Variants in BAIAP3 observed in about 807,000 individuals in gnomAD.
BAIAP3 encodes the protein BAI1-associated protein 3.
Under a neutral mutation model 149.7 loss-of-function variants are expected in BAIAP3, and 180 were observed. That is an observed-to-expected ratio of 1.20 (90% CI 1.07 to 1.36). The LOEUF is 1.36. Among genes scored for constraint, BAIAP3 ranks in the 40% most tolerant of loss-of-function variants. The pLI is 0.00. For synonymous variants in BAIAP3, 845 were observed against 670.7 expected (o/e 1.26, Z -4.02); for missense variants, 1,767 against 1,563.4 (o/e 1.13, Z -2.20).
At chr16:1,338,453 G>GGCC in intron 1 of BAIAP3, 87 bp from the exon 2 acceptor site, 4 of 177,274 alleles carry the variant, frequency 2.3e-5, no homozygotes, top group South Asian at 5.7e-5. Context: ...ACCTCTTCCC[G>GGCC]CCCCACCCCC....
intron 29 of BAIAP3, 83 bp from the exon 30 acceptor site, chr16:1,347,462 G>A: frequency 6.3e-7 from 1 of 1,579,924 alleles, no homozygotes; most frequent in Non-Finnish European, 8.6e-7. Flanking sequence ...AGCATGAGGT[G>A]GCCCCACGGG....
chr16:1,334,535 C>A, intron 1 of BAIAP3: 1 of 812,178 alleles, frequency 1.2e-6, no homozygotes, highest in Non-Finnish European at 2.0e-6. Context: ...GAAGGCGCCT[C>A]GGGCTCCGGT....
At chr16:1,339,140 C>T (rs754475936) in intron 3 of BAIAP3, 24 bp from the exon 4 acceptor site, 7 of 1,568,448 alleles carry the variant, frequency 4.5e-6, no homozygotes, top group South Asian at 1.2e-5. Context: ...CCGTCAGAGC[C>T]CTCACCCTGG....
intron 1 of BAIAP3, 53 bp downstream of exon 1, chr16:1,333,802 C>T (rs1222671583): frequency 2.0e-5 from 3 of 152,036 alleles, no homozygotes; most frequent in African/African-American, 7.2e-5. Context: ...TGGGCTCGGC[C>T]CCGCGCCCCA....
At chr16:1,347,013 C>A in intron 28 of BAIAP3, 58 bp downstream of exon 28, 1 of 1,475,626 alleles carries the variant, frequency 6.8e-7, no homozygotes, top group Non-Finnish European at 9.2e-7. Context: ...TGCTCTGATC[C>A]CTCCCTTTGT....
chr16:1,333,955 C>A (rs952009493), intron 1 of BAIAP3, among the ~76,000 whole-genome samples: 3 of 152,140 alleles, frequency 2.0e-5, no homozygotes, highest in South Asian at 2.1e-4. Context: ...CTTGGAGGGG[C>A]GGGGTCTCGG....
rs138350578 is a variant in BAIAP3, at chr16:1,348,192, G to A, written c.3246G>A (p.Glu1082=). 9.9e-6 allele frequency: 16 copies of A among 1,609,050 alleles called. No individual in the cohort carries two copies. The African/African-American group carries it at 1.7e-4, about 17-fold the overall frequency. Residue 1082 remains glutamate, a synonymous_variant, in exon 33 of 34, where the codon GAG becomes GAA. Coordinates refer to ENST00000426824, the MANE Select transcript of BAIAP3 (RefSeq NM_001199097.2). ...DWLSTNDFAG[E]AALGLGGVTG... ...TGTCCACCAACGACTTCGCTGGGGA[G>A]GCGGCCCTCGGCCTAGGTGGCGTCA... is the stretch of plus-strand genomic sequence containing the variant.
chr16:1,346,887 C>T lies in BAIAP3; in HGVS notation c.2683C>T (p.Leu895=). 1.9e-6 allele frequency: 3 copies of T among 1,609,988 alleles called. No individual in the cohort carries two copies. Among genetic ancestry groups the T allele is most frequent in the South Asian group, 1.1e-5 (1 of 90,726 alleles). Residue 895 remains leucine (L), a synonymous_variant, in exon 28 of 34, where the codon CTG becomes TTG. Coordinates refer to ENST00000426824, the MANE Select transcript of BAIAP3 (RefSeq NM_001199097.2). ...ALWELLLQAI[L]QALGANRDVS... ...GTGGGAGCTACTCCTCCAGGCCATT[C>T]TGCAGGCGCTGGGTGCAAACCGTGA...
Position 1,347,845 on chromosome 16 carries a change from G to A in BAIAP3, c.3025+24G>A, listed in dbSNP as rs373376950. 3.4e-5 allele frequency: 55 copies of A among 1,604,836 alleles called. No homozygotes were observed. The African/African-American group carries it at 5.3e-4, about 16-fold the overall frequency. On this transcript the variant is annotated intron_variant, in intron 31 of 33. Coordinates refer to ENST00000426824, the MANE Select transcript of BAIAP3 (RefSeq NM_001199097.2). Reference sequence around the variant, plus strand: ...CGGTGAGTTGCAGCGGGGACGGGTCGGGTGGTGGTGGGATGGGGGCAGGGG... The same window carrying A: ...CGGTGAGTTGCAGCGGGGACGGGTCAGGTGGTGGTGGGATGGGGGCAGGGG...
At chr16:1,348,323 G>A in intron 33 of BAIAP3, 22 bp downstream of exon 33, 1 of 1,603,134 alleles carries the variant, frequency 6.2e-7, no homozygotes, top group South Asian at 1.1e-5. Flanking sequence ...TCTGGGTGGA[G>A]GCAGGGGCAG....
intron 1 of BAIAP3, among the ~76,000 whole-genome samples, chr16:1,336,840 G>A (rs1018240546): frequency 5.3e-5 from 8 of 152,216 alleles, no homozygotes; most frequent in African/African-American, 1.9e-4. Context: ...GCGAGGGCCA[G>A]TGTGCCCAGC....
chr16:1,342,115 T>C (rs780845576), intron 10 of BAIAP3, 52 bp downstream of exon 10: 18 of 1,568,790 alleles, frequency 1.1e-5, no homozygotes, highest in Non-Finnish European at 1.5e-5. Flanking sequence ...AGCTTGGTCA[T>C]GGGGCCCGGC....
chr16:1,349,280 G>C lies in BAIAP3; in HGVS notation c.*798G>C. On this transcript the variant is annotated 3_prime_UTR_variant, in exon 34 of 34. Coordinates refer to ENST00000426824, the MANE Select transcript of BAIAP3 (RefSeq NM_001199097.2). ...TTCATTTGCGAGAGCGCCGAGGCAG[G>C]ACACAGAGCACAGCTGTGCTGGAAG... is the stretch of plus-strand genomic sequence containing the variant. The C allele has an allele frequency of 1.2e-6, 1 of 820,750 alleles. No individual in the cohort carries two copies. Among genetic ancestry groups the C allele is most frequent in the South Asian group, 1.5e-5 (1 of 64,784 alleles). The allele number at this position is 820,750 out of a possible 1,614,324, so 50.8% of individuals were successfully genotyped here.
At position 1,346,450 on chromosome 16, in the gene BAIAP3, C is replaced by A; in HGVS notation, c.2502C>A (p.Gly834=). 1.2e-6 allele frequency: 2 copies of A among 1,612,176 alleles called. No individual in the cohort carries two copies. The highest frequency in any genetic ancestry group is 1.7e-6 in the Non-Finnish European group (2 of 1,179,646). ...VTAHLTSKMV[G]DIRKYVQHIS... is the part of the protein sequence containing the mutation. ...ACTGCTCCTGCCCTCAGATGGTGGG[C>A]GACATCCGCAAGTATGTACAGCACA... The change falls in exon 26 of 34, where the codon GGC becomes GGA. Residue 834 remains glycine, a synonymous_variant. Coordinates refer to ENST00000426824, the MANE Select transcript of BAIAP3 (RefSeq NM_001199097.2).
chr16:1,343,189 A>G lies in BAIAP3; in HGVS notation c.1265+173A>G, dbSNP rs903888623. 46 of 1,057,934 alleles carry G rather than the reference A, an allele frequency of 4.3e-5. 1 individual carries two copies. Among genetic ancestry groups the G allele is most frequent in the Non-Finnish European group, 5.6e-5 (41 of 736,806 alleles). 65.5% of individuals were successfully genotyped at this position (1,057,934 alleles called of 1,614,324 possible). A position where few individuals can be genotyped will look rare whatever the true frequency, so the allele number is the denominator to read the frequency against. On this transcript the variant is annotated intron_variant, in intron 14 of 33. Coordinates refer to ENST00000426824, the MANE Select transcript of BAIAP3 (RefSeq NM_001199097.2). ...GGCGGGAAGGGAAGGGGGCGGTGCTACGGGTAGGTGAGGCAGCGAAAGGGG... is the reference window on the plus strand; with the variant it reads ...GGCGGGAAGGGAAGGGGGCGGTGCTGCGGGTAGGTGAGGCAGCGAAAGGGG...
chr16:1,347,127 CT>C, intron 28 of BAIAP3, 170 bp from the exon 29 acceptor site: 1 of 889,068 alleles, frequency 1.1e-6, no homozygotes, highest in Non-Finnish European at 1.7e-6. Flanking sequence ...TGGTGATGGC[CT>C]TTCCCCACGC....
chr16:1,341,518 A>AG, intron 8 of BAIAP3, 29 bp downstream of exon 8: 5 of 1,589,954 alleles, frequency 3.1e-6, no homozygotes, highest in South Asian at 2.3e-5. Flanking sequence ...TGGGTGCGGG[A>AG]GGGGGGCTCT....
chr16:1,343,193 G>T (rs2141594296), intron 14 of BAIAP3, 177 bp downstream of exon 14: 3 of 1,069,606 alleles, frequency 2.8e-6, no homozygotes, highest in Non-Finnish European at 4.0e-6. Flanking sequence ...GGTGCTACGG[G>T]TAGGTGAGGC....
intron 5 of BAIAP3, among the ~76,000 whole-genome samples, chr16:1,340,703 G>A (rs554854153): frequency 2.0e-5 from 3 of 152,350 alleles, no homozygotes; most frequent in Admixed American, 1.3e-4. Context: ...CCATTCCCAC[G>A]CATGCACTTG....
Sources: gnomAD v4.1 joint callset for allele counts (sites outside exome capture counted in the v4.1 genomes callset) on GRCh38, gnomAD v4.1.1 for gene constraint, MANE v1.5 for transcripts, NCBI Gene and HGNC (gene_info 2026-07-23, HGNC 2026-07-21) for gene names.